Variants in SYNDIG1 observed in about 807,000 individuals in gnomAD.
The protein encoded by SYNDIG1 is synapse differentiation inducing 1, also known as synapse differentiation-inducing gene protein 1.
A neutral mutation model predicts 19.4 loss-of-function variants in SYNDIG1; 9 were observed. The observed-to-expected ratio is 0.46, with a 90% confidence interval of 0.28 to 0.81. The LOEUF (loss-of-function observed/expected upper bound fraction) is 0.81, where lower values mean the gene tolerates loss of function less well. Among genes scored for constraint, SYNDIG1 ranks in the 30% least tolerant of loss-of-function variants. The probability of loss-of-function intolerance (pLI) is 0.12; values close to 1 mark genes in which losing one functional copy is unlikely to be tolerated. For synonymous variants in SYNDIG1, 141 were observed against 145.9 expected (o/e 0.97, Z 0.24); for missense variants, 311 against 343.3 (o/e 0.91, Z 0.74).
chr20:24,625,653 CAT>C (rs977719867), intron 3 of SYNDIG1, among the ~76,000 whole-genome samples: 1 of 151,884 alleles, frequency 6.6e-6, no homozygotes, highest in African/African-American at 2.4e-5. Context: ...GGACACAGCA[CAT>C]GTTTCAGAGA....
At position 24,490,270 on chromosome 20, in the gene SYNDIG1, T is replaced by G. The variant is rs563779185; in HGVS notation, c.-79+20517T>G. 2.6e-5 allele frequency among the ~76,000 whole-genome samples: 4 copies of G among 152,302 alleles called. No individual in the cohort carries two copies. In the East Asian group the frequency reaches 7.7e-4, roughly 29 times the overall value. On this transcript the variant is annotated intron_variant, in intron 1 of 3. Transcript: ENST00000376862. ...CCCAGAGTACTTTATGTAAAGCTCGTCTTTGCGGCTTCTTGATTTTTATTT... is the reference window on the plus strand; with the variant it reads ...CCCAGAGTACTTTATGTAAAGCTCGGCTTTGCGGCTTCTTGATTTTTATTT...
chr20:24,552,309 A>G (rs1952777848), intron 2 of SYNDIG1, among the ~76,000 whole-genome samples: 1 of 152,130 alleles, frequency 6.6e-6, no homozygotes, highest in African/African-American at 2.4e-5. Context: ...GGGCTTTTTT[A>G]AAAAATTATT....
intron 3 of SYNDIG1, among the ~76,000 whole-genome samples, chr20:24,646,761 A>G (rs1393802083): frequency 6.6e-6 from 1 of 152,106 alleles, no homozygotes; most frequent in Non-Finnish European, 1.5e-5. Context: ...AGCTGGGACT[A>G]CAGGTGTGCA....
chr20:24,611,455 G>A (rs140580647), intron 3 of SYNDIG1, among the ~76,000 whole-genome samples: 113 of 152,258 alleles, frequency 7.4e-4, no homozygotes, highest in Middle Eastern at 3.4e-3. Context: ...TTTGCTGGAG[G>A]CTGGTGGCCC....
intron 3 of SYNDIG1, among the ~76,000 whole-genome samples, chr20:24,615,506 G>A (rs1024822958): frequency 1.3e-4 from 20 of 152,114 alleles, no homozygotes; most frequent in Admixed American, 1.0e-3. Context: ...AGGGCTTTGC[G>A]GGAGCCTGGG....
At chr20:24,555,803 T>C (rs1366436825) in intron 2 of SYNDIG1, among the ~76,000 whole-genome samples, 1 of 152,256 alleles carries the variant, frequency 6.6e-6, no homozygotes, top group African/African-American at 2.4e-5. Context: ...TGGAGAGTTC[T>C]GTAGATGCCT....
intron 3 of SYNDIG1, among the ~76,000 whole-genome samples, chr20:24,654,010 T>C (rs2059498934): frequency 6.6e-6 from 1 of 152,252 alleles, no homozygotes; most frequent in African/African-American, 2.4e-5. Flanking sequence ...TTTCACCGTA[T>C]AATTTTGGGG....
chr20:24,545,554 A>G (rs913964615), intron 2 of SYNDIG1, among the ~76,000 whole-genome samples: 1 of 152,100 alleles, frequency 6.6e-6, no homozygotes, highest in Non-Finnish European at 1.5e-5. Context: ...CCTGAGCTCA[A>G]TGCGGGGTTC....
chr20:24,514,216 C>T (rs1263170151), intron 1 of SYNDIG1, among the ~76,000 whole-genome samples: 1 of 152,186 alleles, frequency 6.6e-6, no homozygotes, highest in Non-Finnish European at 1.5e-5. Context: ...ACTGCATCAA[C>T]TAACGAGCAA....
chr20:24,548,615 G>A (rs1399127453), intron 2 of SYNDIG1, among the ~76,000 whole-genome samples: 1 of 152,212 alleles, frequency 6.6e-6, no homozygotes, highest in African/African-American at 2.4e-5. Flanking sequence ...ATAATAAACA[G>A]CATTTTGAAA....
chr20:24,503,999 G>C (rs148551932), intron 1 of SYNDIG1, among the ~76,000 whole-genome samples: 3,253 of 129,916 alleles, frequency 0.025, 71 homozygotes, highest in Admixed American at 0.088. Context: ...TCACACTTTC[G>C]CCCAGGCTGT....
rs138127190 is a variant in SYNDIG1 at position 24,646,240 on chromosome 20, G to C, written c.619-19106G>C. Among the ~76,000 whole-genome samples, 1,041 of 152,328 alleles carry C rather than the reference G, an allele frequency of 6.8e-3. 6 individuals carry two copies. Among genetic ancestry groups the C allele is most frequent in the Middle Eastern group, 0.014 (4 of 294 alleles). ...AGGGAACATGCACACATTACAGTAAGCAACACTGCCTATACACATCAGTGA... is the reference window on the plus strand; with the variant it reads ...AGGGAACATGCACACATTACAGTAACCAACACTGCCTATACACATCAGTGA... On this transcript the variant is annotated intron_variant, in intron 3 of 3. Transcript: ENST00000376862.
chr20:24,498,869 G>A (rs1407284679), intron 1 of SYNDIG1, among the ~76,000 whole-genome samples: 2 of 152,144 alleles, frequency 1.3e-5, no homozygotes, highest in Non-Finnish European at 2.9e-5. Context: ...GAATGCTGCA[G>A]GGAACACGGG....
In SYNDIG1 at chr20:24,484,116, C is replaced by T. The variant is rs147827782; in HGVS notation, c.-79+14363C>T. ...ACGAGAAACAACAGATGGGGTCAGA[C>T]GAATTCAAGTGCAGTCCTGGCTACC... On this transcript the variant is annotated intron_variant, in intron 1 of 3. Transcript: ENST00000376862. Among the ~76,000 whole-genome samples the T allele has an allele frequency of 2.9e-3, 442 of 152,104 alleles. 3 individuals carry two copies. Among genetic ancestry groups the T allele is most frequent in the African/African-American group, 9.7e-3 (402 of 41,490 alleles).
At chr20:24,584,025 TA>T (rs913200471) in intron 2 of SYNDIG1, among the ~76,000 whole-genome samples, 4 of 151,880 alleles carry the variant, frequency 2.6e-5, no homozygotes, top group South Asian at 2.1e-4. Context: ...CCCCTGAACC[TA>T]AAAAAAACTT....
rs1048665820 is a variant in SYNDIG1 at position 24,536,602 on chromosome 20, C to G, written c.-78-6418C>G. ...ATATCCTCCGGGTTACGCCTGCTTA[C>G]TCAGGTGAGCCAAGCTGAACAGCCT... On this transcript the variant is annotated intron_variant, in intron 1 of 3. Transcript: ENST00000376862. 5.3e-5 allele frequency among the ~76,000 whole-genome samples: 8 copies of G among 152,146 alleles called. No individual in the cohort carries two copies. The South Asian group carries it at 1.0e-3, about 20-fold the overall frequency.
At chr20:24,618,476 T>C (rs1238870856) in intron 3 of SYNDIG1, among the ~76,000 whole-genome samples, 1 of 152,144 alleles carries the variant, frequency 6.6e-6, no homozygotes, top group African/African-American at 2.4e-5. Flanking sequence ...CTCCTTCTCT[T>C]GTCGGGGTCA....
chr20:24,484,865 A>G (rs919377575), intron 1 of SYNDIG1, among the ~76,000 whole-genome samples: 13 of 152,096 alleles, frequency 8.5e-5, no homozygotes, highest in Admixed American at 3.3e-4. Flanking sequence ...TTGATCCCCA[A>G]TGTGGCAGTG....
At chr20:24,659,957 C>T (rs764251647) in intron 3 of SYNDIG1, among the ~76,000 whole-genome samples, 35 of 152,012 alleles carry the variant, frequency 2.3e-4, no homozygotes, top group Non-Finnish European at 4.3e-4. Context: ...TTCCAGTTAC[C>T]GTTCCTTCCC....
Sources: gnomAD v4.1 joint callset for allele counts (sites outside exome capture counted in the v4.1 genomes callset) on GRCh38, gnomAD v4.1.1 for gene constraint, MANE v1.5 for transcripts, NCBI Gene and HGNC (gene_info 2026-07-23, HGNC 2026-07-21) for gene names.